ZNF713: variants seen among roughly 807,000 people sequenced by gnomAD.
ZNF713 encodes zinc finger protein 713.
ZNF713 carries 21 observed loss-of-function variants against 28.7 expected under a neutral mutation model. The ratio of observed to expected loss-of-function variants is 0.73; its 90% CI spans 0.52 to 1.05. The LOEUF is 1.05. ZNF713 is among the 50% of genes least tolerant of loss of function. ZNF713 has a pLI of 0.00. For synonymous variants in ZNF713, 167 were observed against 178.0 expected, an observed-to-expected ratio of 0.94 and a Z score of 0.49; for missense variants, 458 against 532.4, an observed-to-expected ratio of 0.86 and a Z score of 1.37.
At chr7:55,924,339 C>T (rs980924041) in intron 6 of ZNF713, 7 of 152,248 alleles carry the variant, frequency 4.6e-5, no homozygotes, top group Non-Finnish European at 7.3e-5. Context: ...TTGACTTTCC[C>T]TTCTTGAAAT....
chr7:55,894,778 C>T (rs1386865081), intron 1 of ZNF713, among the ~76,000 whole-genome samples: 1 of 152,100 alleles, frequency 6.6e-6, no homozygotes, highest in Non-Finnish European at 1.5e-5. Context: ...TTGGTTATTG[C>T]ATGCAAAGGA....
At chr7:55,904,196 A>G (rs1481620625) in intron 1 of ZNF713, among the ~76,000 whole-genome samples, 2 of 114,624 alleles carry the variant, frequency 1.7e-5, no homozygotes, top group South Asian at 5.0e-4. Flanking sequence ...GCCAGGCCTG[A>G]TGGCTCACAC....
chr7:55,941,413 G>C lies in ZNF713; in HGVS notation c.*1407G>C, dbSNP rs899053369. On this transcript the variant is annotated 3_prime_UTR_variant, in exon 7 of 7. Transcript: ENST00000429591. ...GGAGGTTGCAGTGAGCCAAGATCACGCCACTGTACTCCAGCCTGGGCAACA... is the reference window on the plus strand; with the variant it reads ...GGAGGTTGCAGTGAGCCAAGATCACCCCACTGTACTCCAGCCTGGGCAACA... The C allele has an allele frequency of 1.8e-4, 27 of 149,370 alleles. No individual in the cohort carries two copies. The highest frequency in any genetic ancestry group is 5.9e-4 in the African/African-American group (24 of 40,728). 9.3% of individuals were successfully genotyped at this position (149,370 alleles called of 1,614,324 possible).
intron 2 of ZNF713, among the ~76,000 whole-genome samples, chr7:55,909,022 C>G (rs991400415): frequency 6.6e-6 from 1 of 151,580 alleles, no homozygotes; most frequent in African/African-American, 2.4e-5. Context: ...ATGGTGAAAC[C>G]CTGTCTCTAC....
intron 4 of ZNF713, among the ~76,000 whole-genome samples, chr7:55,917,753 A>G (rs1274439355): frequency 6.6e-6 from 1 of 152,168 alleles, no homozygotes; most frequent in East Asian, 1.9e-4. Flanking sequence ...CAGCAAATAA[A>G]GTTCAAATGG....
chr7:55,917,008 A>G (rs1785892210), intron 4 of ZNF713, among the ~76,000 whole-genome samples: 1 of 152,018 alleles, frequency 6.6e-6, no homozygotes, highest in African/African-American at 2.4e-5. Context: ...AGGTCAGGAG[A>G]TTGAGACCAT....
intron 4 of ZNF713, among the ~76,000 whole-genome samples, chr7:55,919,498 T>TGG (rs71015125): frequency 1.7e-5 from 1 of 59,644 alleles, no homozygotes; most frequent in Admixed American, 1.9e-4. Flanking sequence ...CAGTTTTTTT[T>TGG]TTTTTTTTTT....
intron 6 of ZNF713, among the ~76,000 whole-genome samples, chr7:55,926,011 A>G (rs1038169586): frequency 4.6e-5 from 7 of 152,062 alleles, no homozygotes; most frequent in African/African-American, 1.7e-4. Context: ...ATAACTGCTA[A>G]TTTAGGAAAA....
At chr7:55,892,378 C>A (rs572495076) in intron 1 of ZNF713, among the ~76,000 whole-genome samples, 60 of 150,102 alleles carry the variant, frequency 4.0e-4, no homozygotes, top group African/African-American at 1.4e-3. Context: ...GCTTGGTGTT[C>A]AGGGTTTTAA....
intron 6 of ZNF713, among the ~76,000 whole-genome samples, chr7:55,926,179 G>A (rs940463667): frequency 6.6e-6 from 1 of 152,038 alleles, no homozygotes; most frequent in Non-Finnish European, 1.5e-5. Flanking sequence ...GCATGGTGGC[G>A]GATGCCTGGA....
intron 6 of ZNF713, among the ~76,000 whole-genome samples, chr7:55,927,510 G>T (rs766150958): frequency 2.7e-4 from 41 of 150,848 alleles, no homozygotes; most frequent in African/African-American, 1.0e-3. Context: ...GCAATAGAGC[G>T]AGACCTTGTC....
chr7:55,916,164 A>T (rs1398150406), intron 4 of ZNF713, among the ~76,000 whole-genome samples: 1 of 152,204 alleles, frequency 6.6e-6, no homozygotes, highest in African/African-American at 2.4e-5. Context: ...CTCAAAGCGC[A>T]TGGCTCCCAT....
intron 2 of ZNF713, among the ~76,000 whole-genome samples, chr7:55,907,419 C>T (rs1275900467): frequency 6.6e-6 from 1 of 152,168 alleles, no homozygotes; most frequent in Non-Finnish European, 1.5e-5. Context: ...GGGCTTCATC[C>T]TGAAGTTAGT....
In ZNF713 at chr7:55,912,584, T is replaced by TAA. The variant is rs1785804640; in HGVS notation, c.-2-49_-2-48dup. The TAA allele has an allele frequency of 2.2e-6, 3 of 1,361,888 alleles. No homozygotes were observed. In the South Asian group the frequency reaches 3.7e-5, roughly 17 times the overall value. 84.4% of individuals were successfully genotyped at this position (1,361,888 alleles called of 1,614,324 possible). ...TACACAAAGCAGAATCTCCAGGATTTAAATTTAACCTTCGTGTCATATATT... is the reference window on the plus strand; with the variant it reads ...TACACAAAGCAGAATCTCCAGGATTTAAAAATTTAACCTTCGTGTCATATATT... On this transcript the variant is annotated intron_variant, in intron 3 of 6. Coordinates refer to ENST00000429591, the MANE Select transcript of ZNF713 (RefSeq NM_182633.3).
At chr7:55,891,448 G>GA (rs1344470994) in intron 1 of ZNF713, among the ~76,000 whole-genome samples, 2 of 151,234 alleles carry the variant, frequency 1.3e-5, no homozygotes, top group African/African-American at 4.9e-5. Flanking sequence ...TTATTTAATA[G>GA]AAAAAAAATT....
At chr7:55,919,682 T>A (rs942470146) in intron 4 of ZNF713, among the ~76,000 whole-genome samples, 5 of 151,794 alleles carry the variant, frequency 3.3e-5, no homozygotes, top group African/African-American at 9.7e-5. Context: ...ATTTTTTAAA[T>A]TTTTTTACAC....
chr7:55,896,835 G>A (rs1290791430), intron 1 of ZNF713, among the ~76,000 whole-genome samples: 1 of 151,958 alleles, frequency 6.6e-6, no homozygotes, highest in African/African-American at 2.4e-5. Context: ...TCCAGGGCTG[G>A]GCAGGAAAAA....
intron 6 of ZNF713, among the ~76,000 whole-genome samples, chr7:55,930,944 A>G (rs1206070853): frequency 6.6e-6 from 1 of 152,166 alleles, no homozygotes; most frequent in Admixed American, 6.6e-5. Context: ...CACCACTTTC[A>G]TTAAAAAATG....
At chr7:55,921,459 TTC>T (rs1255779274) in intron 4 of ZNF713, among the ~76,000 whole-genome samples, 1 of 152,232 alleles carries the variant, frequency 6.6e-6, no homozygotes, top group African/African-American at 2.4e-5. Flanking sequence ...AAAATCACCA[TTC>T]CGATGCCATT....
Sources: gnomAD v4.1 joint callset for allele counts (sites outside exome capture counted in the v4.1 genomes callset) on GRCh38, gnomAD v4.1.1 for gene constraint, MANE v1.5 for transcripts, NCBI Gene and HGNC (gene_info 2026-07-23, HGNC 2026-07-21) for gene names.